Variants in ADAMTS16 observed in about 807,000 individuals in gnomAD.
ADAMTS16 encodes A disintegrin and metalloproteinase with thrombospondin motifs 16.
ADAMTS16 carries 94 observed loss-of-function variants against 145.8 expected under a neutral mutation model. The observed-to-expected ratio is 0.64, with a 90% confidence interval of 0.55 to 0.77. The LOEUF is 0.77. ADAMTS16 is among the 30% of genes least tolerant of loss of function. The probability of loss-of-function intolerance (pLI) is 0.00; values close to 1 mark genes in which losing one functional copy is unlikely to be tolerated. For missense variants in ADAMTS16, 1,585 were observed against 1,591.5 expected, an observed-to-expected ratio of 1.00 and a Z score of 0.07; for synonymous variants, 659 against 604.3, an observed-to-expected ratio of 1.09 and a Z score of -1.33.
intron 21 of ADAMTS16, among the ~76,000 whole-genome samples, chr5:5,316,709 T>C (rs568279850): frequency 1.3e-4 from 20 of 152,198 alleles, no homozygotes; most frequent in Admixed American, 1.3e-3. Flanking sequence ...CTTAGCAAAA[T>C]AAGCCCCAGC....
At chr5:5,235,225 T>TTA in intron 13 of ADAMTS16, 39 bp downstream of exon 13, 1 of 1,466,320 alleles carries the variant, frequency 6.8e-7, no homozygotes, top group South Asian at 1.5e-5. Flanking sequence ...GCCTCATGCT[T>TTA]TACTACCTTT....
intron 18 of ADAMTS16, among the ~76,000 whole-genome samples, chr5:5,293,684 GA>G (rs1225842111): frequency 2.0e-5 from 3 of 152,142 alleles, no homozygotes; most frequent in Non-Finnish European, 1.5e-5. Context: ...CCTTTAAAAG[GA>G]AAAAGAGTTT....
intron 6 of ADAMTS16, among the ~76,000 whole-genome samples, chr5:5,188,293 A>G (rs1377085357): frequency 2.0e-5 from 3 of 152,012 alleles, no homozygotes; most frequent in Non-Finnish European, 4.4e-5. Context: ...GAGATTTTTT[A>G]TTTTTATTGA....
chr5:5,290,404 C>T (rs1365826761), intron 18 of ADAMTS16, among the ~76,000 whole-genome samples: 1 of 152,166 alleles, frequency 6.6e-6, no homozygotes, highest in Non-Finnish European at 1.5e-5. Flanking sequence ...CGTGTAATCC[C>T]AGCACTTTGG....
At chr5:5,209,067 A>T in intron 9 of ADAMTS16, 26 bp from the exon 10 acceptor site, 1 of 1,605,682 alleles carries the variant, frequency 6.2e-7, no homozygotes, top group Non-Finnish European at 8.5e-7. Flanking sequence ...GGCAGTTACT[A>T]GTAGCTCATC....
chr5:5,140,994 A>G (rs1734152265), intron 2 of ADAMTS16, among the ~76,000 whole-genome samples: 1 of 152,044 alleles, frequency 6.6e-6, no homozygotes, highest in Non-Finnish European at 1.5e-5. Flanking sequence ...AGAGTTATTG[A>G]TATAACATTA....
In ADAMTS16 at chr5:5,220,239, G is replaced by A. The variant is rs33999304; in HGVS notation, c.1606-2550G>A. Among the ~76,000 whole-genome samples the A allele has an allele frequency of 4.4e-3, 644 of 145,976 alleles. 4 individuals carry two copies. Among genetic ancestry groups the A allele is most frequent in the Middle Eastern group, 0.028 (8 of 284 alleles). On this transcript the variant is annotated intron_variant, in intron 10 of 22. Coordinates refer to ENST00000274181, the MANE Select transcript of ADAMTS16 (RefSeq NM_139056.4). ...CAGTGGTGCCATCTCGGCTCACTGCGACCTCTAACTTCCAGGTTCACGCCA... is the reference window on the plus strand; with the variant it reads ...CAGTGGTGCCATCTCGGCTCACTGCAACCTCTAACTTCCAGGTTCACGCCA...
chr5:5,153,618 T>A (rs1734528036), intron 3 of ADAMTS16, among the ~76,000 whole-genome samples: 1 of 152,218 alleles, frequency 6.6e-6, no homozygotes. Flanking sequence ...AACAAAACTA[T>A]TTTTTAGAAA....
intron 12 of ADAMTS16, 70 bp from the exon 13 acceptor site, chr5:5,234,944 T>A (rs1362292927): frequency 1.2e-5 from 16 of 1,337,994 alleles, no homozygotes; most frequent in Non-Finnish European, 1.6e-5. Flanking sequence ...ATCTCTCCAA[T>A]AAGCCTAATT....
intron 18 of ADAMTS16, among the ~76,000 whole-genome samples, chr5:5,286,885 A>AAAAG (rs1456081255): frequency 1.9e-5 from 1 of 52,196 alleles, no homozygotes; most frequent in African/African-American, 5.2e-5. Context: ...AAAAAAAAAG[A>AAAAG]GTTTTTATAA....
At chr5:5,197,628 T>A (rs1213627734) in intron 8 of ADAMTS16, among the ~76,000 whole-genome samples, 3 of 152,260 alleles carry the variant, frequency 2.0e-5, no homozygotes, top group African/African-American at 7.2e-5. Flanking sequence ...AGATATATTC[T>A]CTGGTCTGCA....
chr5:5,273,000 C>A (rs1738541074), intron 18 of ADAMTS16, among the ~76,000 whole-genome samples: 2 of 152,088 alleles, frequency 1.3e-5, no homozygotes, highest in African/African-American at 4.8e-5. Context: ...CCATGAGGGG[C>A]CCTTCCAGAG....
chr5:5,191,418 C>CA (rs1735660421), intron 7 of ADAMTS16, among the ~76,000 whole-genome samples: 1 of 151,992 alleles, frequency 6.6e-6, no homozygotes, highest in Non-Finnish European at 1.5e-5. Flanking sequence ...CTAATAGAGT[C>CA]ACGCCCCAAT....
intron 21 of ADAMTS16, among the ~76,000 whole-genome samples, chr5:5,306,961 C>T (rs964180771): frequency 2.6e-5 from 4 of 152,132 alleles, no homozygotes; most frequent in African/African-American, 9.7e-5. Context: ...ATGTTTTCCT[C>T]TAAATGTCAC....
chr5:5,307,699 C>G (rs934218762), intron 21 of ADAMTS16, among the ~76,000 whole-genome samples: 3 of 152,218 alleles, frequency 2.0e-5, no homozygotes, highest in Non-Finnish European at 4.4e-5. Flanking sequence ...TATTAGCCCT[C>G]TAAGGGGGTA....
Position 5,221,908 on chromosome 5 carries a change from C to T in ADAMTS16, c.1606-881C>T, listed in dbSNP as rs1479947446. On this transcript the variant is annotated intron_variant, in intron 10 of 22. Coordinates refer to ENST00000274181, the MANE Select transcript of ADAMTS16 (RefSeq NM_139056.4). ...GACATGAATCACCCAGTAGATGCAT[C>T]CATTTAATTTCTTGGGGGAATAATG... Among the ~76,000 whole-genome samples, 146 of 152,292 alleles carry T rather than the reference C, an allele frequency of 9.6e-4. 3 individuals are homozygous for T. Among genetic ancestry groups the T allele is most frequent in the Non-Finnish European group, 5.9e-5 (4 of 68,020 alleles).
rs761534142 is a variant in ADAMTS16, at chr5:5,146,167, G to C, written c.213G>C (p.Arg71Ser). The stretch of plus-strand genomic sequence containing the variant: ...TCTCTGCCTACGAGGTTGACCACAG[G>C]GGCGATTACGTGTCCCATGAAATCA... Reference protein sequence around the residue: ...DLVSAYEVDHRGDYVSHEIMH... With the variant: ...DLVSAYEVDHSGDYVSHEIMH... Residue 71 changes from arginine to serine, a missense_variant, in exon 3 of 23, where the codon AGG becomes AGC. Around this residue, in one of 3 missense-constraint regions of ADAMTS16, gnomAD observed 453 missense variants for 412.1 expected, o/e 1.10. Coordinates refer to ENST00000274181, the MANE Select transcript of ADAMTS16 (RefSeq NM_139056.4). 4 of 1,613,968 alleles carry C rather than the reference G, an allele frequency of 2.5e-6. No homozygotes were observed. The highest frequency in any genetic ancestry group is 2.5e-6 in the Non-Finnish European group (3 of 1,180,034).
chr5:5,176,767 T>C (rs1161206275), intron 3 of ADAMTS16, among the ~76,000 whole-genome samples: 2 of 152,198 alleles, frequency 1.3e-5, no homozygotes. Flanking sequence ...CTAGCCTTCT[T>C]CCTGCCATAG....
chr5:5,262,754 G>T lies in ADAMTS16; in HGVS notation c.2760G>T (p.Val920=), dbSNP rs61746690. The T allele has an allele frequency of 1.4e-5, 23 of 1,614,222 alleles. No individual in the cohort carries two copies. In the African/African-American group the frequency reaches 3.1e-4, roughly 22 times the overall value. Residue 920 remains valine (V), a synonymous_variant, in exon 18 of 23, where the codon GTG becomes GTT. Transcript: ENST00000274181. Reference sequence around the variant, plus strand: ...AGACACGACCTGTCACGGGGCTGGTGCCTTGCAAAGTATCTGCCTGTCCTC... The same window carrying T: ...AGACACGACCTGTCACGGGGCTGGTTCCTTGCAAAGTATCTGCCTGTCCTC... ...NPKTRPVTGL[V]PCKVSACPPS... is the part of the protein sequence containing the mutation.
Sources: allele counts gnomAD v4.1 joint callset (sites outside exome capture counted in the v4.1 genomes callset), GRCh38; gene constraint gnomAD v4.1.1; regional missense constraint gnomAD v4.1.1; transcripts MANE v1.5; gene names NCBI Gene and HGNC (gene_info 2026-07-23, HGNC 2026-07-21).